Variants in AHI1 observed in about 807,000 individuals in gnomAD.
The protein encoded by AHI1 is Abelson helper integration site 1, also known as jouberin.
In AHI1, 123 loss-of-function variants were observed where a neutral mutation model predicts 149.3. That is an observed-to-expected ratio of 0.82 (90% CI 0.71 to 0.96). The LOEUF is 0.96. AHI1 is among the 40% of genes least tolerant of loss of function. The pLI, the probability that AHI1 is intolerant of heterozygous loss-of-function variation, is 0.00. For synonymous variants in AHI1, 475 were observed against 459.8 expected (o/e 1.03, Z -0.42); for missense variants, 1,439 against 1,422.7 (o/e 1.01, Z -0.18).
intron 23 of AHI1, among the ~76,000 whole-genome samples, chr6:135,376,581 T>C (rs1775945281): frequency 6.6e-6 from 1 of 151,940 alleles, no homozygotes; most frequent in South Asian, 2.1e-4. Flanking sequence ...TGTTGGACAT[T>C]TTATAAGACA....
chr6:135,352,712 T>TACAC (rs573886880), intron 24 of AHI1, among the ~76,000 whole-genome samples: 485 of 145,526 alleles, frequency 3.3e-3, no homozygotes, highest in African/African-American at 0.01. Flanking sequence ...TATATATATA[T>TACAC]ACACACACAC....
chr6:135,436,566 C>G (rs1287854852), intron 15 of AHI1, among the ~76,000 whole-genome samples: 3 of 152,096 alleles, frequency 2.0e-5, no homozygotes, highest in Non-Finnish European at 4.4e-5. Context: ...GCAGGAAGAA[C>G]TGAAAATGAT....
intron 24 of AHI1, among the ~76,000 whole-genome samples, chr6:135,332,093 G>A (rs1429763328): frequency 1.4e-5 from 2 of 146,156 alleles, no homozygotes; most frequent in African/African-American, 5.1e-5. Flanking sequence ...TTTTTCAGAC[G>A]GAGTCTCACT....
chr6:135,455,735 T>C lies in AHI1; in HGVS notation c.1343A>G (p.Glu448Gly). 6.3e-7 allele frequency: 1 copy of C among 1,580,882 alleles called. No homozygotes were observed. The highest frequency in any genetic ancestry group is 8.6e-7 in the Non-Finnish European group (1 of 1,159,256). The change falls in exon 10 of 29, where the codon GAG (glutamate) becomes GGG (glycine). Residue 448 changes from glutamate to glycine, a missense_variant and splice_region_variant. Physicochemically the swap from Glu to Gly is moderately conservative, Grantham distance 98. Transcript: ENST00000265602. ...DESPKVILFF[E>G]ILDFLSVDEI... ...TGAATTGGTCCATTCAATTCATACC[T>C]CAAAGAACAGGATGACTTTAGGACT...
intron 4 of AHI1, among the ~76,000 whole-genome samples, chr6:135,491,290 C>T (rs76693539): frequency 6.6e-6 from 1 of 152,154 alleles, no homozygotes; most frequent in African/African-American, 2.4e-5. Context: ...GGGCTCCATA[C>T]CTCCTGATCT....
In AHI1 at chr6:135,457,828, G is replaced by A. The variant is rs77900254; in HGVS notation, c.932-115C>T. 0.025 allele frequency: 24,705 copies of A among 974,912 alleles called. 393 individuals are homozygous for A. The highest frequency in any genetic ancestry group is 0.038 in the Admixed American group (1,593 of 41,750). The allele number at this position is 974,912 out of a possible 1,614,324, so 60.4% of individuals were successfully genotyped here. A position where few individuals can be genotyped will look rare whatever the true frequency, so the allele number is the denominator to read the frequency against. ...TCTCACTGTGTTCAAAGGAACTTCA[G>A]GGGGAAAGAAAGAAAAAGCCAGACA... On this transcript the variant is annotated intron_variant, in intron 8 of 28. Coordinates refer to ENST00000265602, the MANE Select transcript of AHI1 (RefSeq NM_001134831.2).
At chr6:135,438,753 TC>T (rs1269530298) in intron 14 of AHI1, among the ~76,000 whole-genome samples, 5 of 152,080 alleles carry the variant, frequency 3.3e-5, no homozygotes, top group African/African-American at 1.2e-4. Context: ...TTTAAAGAAA[TC>T]CCCTAAGAAT....
chr6:135,485,633 T>C (rs1380281559), intron 5 of AHI1, among the ~76,000 whole-genome samples: 1 of 152,248 alleles, frequency 6.6e-6, no homozygotes, highest in Non-Finnish European at 1.5e-5. Flanking sequence ...GTAGTTTCTA[T>C]GTAGGTGATA....
At chr6:135,323,132 A>G (rs1299271960) in intron 25 of AHI1, 30 bp downstream of exon 25, 1 of 1,582,424 alleles carries the variant, frequency 6.3e-7, no homozygotes, top group Non-Finnish European at 8.6e-7. Context: ...ATACCATACT[A>G]GTAAACCAGG....
At chr6:135,490,784 T>A in intron 4 of AHI1, 37 bp from the exon 5 acceptor site, 2 of 1,607,380 alleles carry the variant, frequency 1.2e-6, no homozygotes, top group Non-Finnish European at 1.7e-6. Flanking sequence ...TGTAAATGAC[T>A]CTATCATAAC....
chr6:135,420,222 TG>T (rs1271225987), intron 20 of AHI1, among the ~76,000 whole-genome samples: 1 of 152,212 alleles, frequency 6.6e-6, no homozygotes, highest in Non-Finnish European at 1.5e-5. Flanking sequence ...TTATGAATCA[TG>T]AATGTTCTTA....
rs146988928 is a variant in AHI1, at chr6:135,370,076, A to C, written c.3110-11889T>G. Among the ~76,000 whole-genome samples the C allele has an allele frequency of 5.3e-5, 8 of 152,288 alleles. No homozygotes were observed. The East Asian group carries it at 1.5e-3, about 29-fold the overall frequency. On this transcript the variant is annotated intron_variant, in intron 23 of 28. Coordinates refer to ENST00000265602, the MANE Select transcript of AHI1 (RefSeq NM_001134831.2). Reference sequence around the variant, plus strand: ...GGGTCATCTATTTCTGCTAATTCACATGCCTCAGAATTTGATTATAGGTTA... The same window carrying C: ...GGGTCATCTATTTCTGCTAATTCACCTGCCTCAGAATTTGATTATAGGTTA...
At chr6:135,490,373 C>A in intron 5 of AHI1, 1 of 652,204 alleles carries the variant, frequency 1.5e-6, no homozygotes. Context: ...TGAGTTTCCC[C>A]ACTATCTCTG....
intron 5 of AHI1, among the ~76,000 whole-genome samples, chr6:135,470,667 G>C (rs1052386912): frequency 6.6e-6 from 1 of 152,002 alleles, no homozygotes; most frequent in African/African-American, 2.4e-5. Context: ...CCTTTGCAGG[G>C]ACATGGATAA....
In AHI1 at chr6:135,457,546, T is replaced by C. The variant is rs1168541792; in HGVS notation, c.1099A>G (p.Lys367Glu). 6 of 1,613,982 alleles carry C rather than the reference T, an allele frequency of 3.7e-6. No homozygotes were observed. The highest frequency in any genetic ancestry group is 1.1e-5 in the South Asian group (1 of 91,080). The change falls in exon 9 of 29, where the codon AAA (lysine) becomes GAA (glutamate). Residue 367 changes from lysine (K) to glutamate (E), a missense_variant. Lys to Glu is a moderately conservative substitution (Grantham distance 56). Transcript: ENST00000265602. ...SDFMISHPMVKIHVVDEHTGQ... is the reference protein window; with the variant it reads ...SDFMISHPMVEIHVVDEHTGQ... ...GTATGCTCATCAACCACATGAATTTTTACCATTGGGTGAGAAATCATAAAA... is the reference window on the plus strand; with the variant it reads ...GTATGCTCATCAACCACATGAATTTCTACCATTGGGTGAGAAATCATAAAA...
At chr6:135,332,293 C>G (rs1788719762) in intron 24 of AHI1, among the ~76,000 whole-genome samples, 1 of 152,204 alleles carries the variant, frequency 6.6e-6, no homozygotes, top group African/African-American at 2.4e-5. Context: ...TGGTCTCGAT[C>G]TCCTGACCTC....
intron 22 of AHI1, among the ~76,000 whole-genome samples, chr6:135,400,174 A>AT (rs1215288413): frequency 6.6e-6 from 1 of 152,152 alleles, no homozygotes; most frequent in African/African-American, 2.4e-5. Context: ...TTTAAAAATT[A>AT]TTTTTTAAAA....
chr6:135,397,105 A>T (rs964332563), intron 22 of AHI1, among the ~76,000 whole-genome samples: 6 of 151,920 alleles, frequency 3.9e-5, no homozygotes, highest in Admixed American at 3.3e-4. Context: ...TCAAATGTCC[A>T]TAAAGTGATG....
At chr6:135,331,761 T>C (rs1021898197) in intron 24 of AHI1, among the ~76,000 whole-genome samples, 4 of 152,184 alleles carry the variant, frequency 2.6e-5, no homozygotes, top group African/African-American at 4.8e-5. Context: ...CCTACTTCAA[T>C]TGGGCCCATA....
Sources: allele counts gnomAD v4.1 joint callset (sites outside exome capture counted in the v4.1 genomes callset), GRCh38; gene constraint gnomAD v4.1.1; transcripts MANE v1.5; gene names NCBI Gene and HGNC (gene_info 2026-07-23, HGNC 2026-07-21).